EDARADD: variants seen among roughly 807,000 people sequenced by gnomAD.
The protein encoded by EDARADD is ectodysplasin-A receptor-associated adapter protein.
In EDARADD, 20 loss-of-function variants were observed where a neutral mutation model predicts 25.6. That is an observed-to-expected ratio of 0.78 (90% CI 0.55 to 1.14). The LOEUF (loss-of-function observed/expected upper bound fraction) is 1.14, where lower values mean the gene tolerates loss of function less well. Ranked by LOEUF, EDARADD falls within the 50% of genes most tolerant of loss-of-function variation. The probability of loss-of-function intolerance (pLI) is 0.00; values close to 1 mark genes in which losing one functional copy is unlikely to be tolerated. For missense variants in EDARADD, 225 were observed against 270.1 expected (o/e 0.83, Z 1.17); for synonymous variants, 86 against 94.4 (o/e 0.91, Z 0.52).
chr1:236,469,044 A>G (rs1289105348), intron 5 of EDARADD, among the ~76,000 whole-genome samples: 1 of 152,198 alleles, frequency 6.6e-6, no homozygotes, highest in Admixed American at 6.5e-5. Flanking sequence ...TTCTGCTTTT[A>G]GTGTGTTTAA....
At chr1:236,349,912 G>A (rs1666895677) in intron 2 of EDARADD, among the ~76,000 whole-genome samples, 1 of 152,204 alleles carries the variant, frequency 6.6e-6, no homozygotes, top group South Asian at 2.1e-4. Flanking sequence ...AGGAGTTCAA[G>A]ACCAGCCTGG....
At chr1:236,379,684 C>T (rs5008336) in intron 3 of EDARADD, among the ~76,000 whole-genome samples, 26,952 of 151,782 alleles carry the variant, frequency 0.18, 2,488 homozygotes, top group South Asian at 0.26. Flanking sequence ...GAGGCTGAGG[C>T]AGGAGAATCA....
At chr1:236,411,357 G>A (rs1015456811) in intron 2 of EDARADD, among the ~76,000 whole-genome samples, 3 of 152,124 alleles carry the variant, frequency 2.0e-5, no homozygotes, top group Non-Finnish European at 4.4e-5. Context: ...CCATAGGGAA[G>A]AATCTTTCCT....
At chr1:236,405,798 T>C (rs1331160548) in intron 1 of EDARADD, among the ~76,000 whole-genome samples, 23 of 122,844 alleles carry the variant, frequency 1.9e-4, no homozygotes, top group African/African-American at 6.0e-4. Context: ...TCTTTTCTTT[T>C]TCTTTCTTTC....
Position 236,484,526 on chromosome 1 carries a change from T to G in EDARADD, c.*1877T>G, listed in dbSNP as rs1659776912. 1 of 1,422,636 alleles carries G rather than the reference T, an allele frequency of 7.0e-7. No individual in the cohort carries two copies. The highest frequency in any genetic ancestry group is 1.4e-5 in the African/African-American group (1 of 72,006). The allele number at this position is 1,422,636 out of a possible 1,614,324, so 88.1% of individuals were successfully genotyped here. On this transcript the variant is annotated 3_prime_UTR_variant, in exon 6 of 6. Coordinates refer to ENST00000334232, the MANE Select transcript of EDARADD (RefSeq NM_145861.4). The surrounding 1 kb of genome is among the most constrained non-coding windows in gnomAD (Gnocchi z 4.1). ...GTGGCTAATTAGACCCCTCCCCTTGTGTCAACTCCGGCAGCTCAAGACCCC... is the reference window on the plus strand; with the variant it reads ...GTGGCTAATTAGACCCCTCCCCTTGGGTCAACTCCGGCAGCTCAAGACCCC...
chr1:236,446,660 G>A (rs562945366), intron 4 of EDARADD, among the ~76,000 whole-genome samples: 1 of 152,318 alleles, frequency 6.6e-6, no homozygotes, highest in South Asian at 2.1e-4. Flanking sequence ...GTGTCAAAAT[G>A]CTGTGCATGA....
At chr1:236,429,992 T>C (rs562852208) in intron 4 of EDARADD, among the ~76,000 whole-genome samples, 55 of 152,356 alleles carry the variant, frequency 3.6e-4, no homozygotes, top group Non-Finnish European at 5.9e-4. Context: ...TAGTCTTGCT[T>C]TAAAACATCA....
chr1:236,456,551 C>T (rs1658869856), intron 4 of EDARADD, among the ~76,000 whole-genome samples: 1 of 152,160 alleles, frequency 6.6e-6, no homozygotes, highest in African/African-American at 2.4e-5. Flanking sequence ...CTCACTTTCT[C>T]TAGACTGAAC....
intron 4 of EDARADD, among the ~76,000 whole-genome samples, chr1:236,461,071 C>G (rs773819926): frequency 3.9e-5 from 6 of 152,172 alleles, no homozygotes; most frequent in African/African-American, 1.4e-4. Flanking sequence ...ATCTGCCCAC[C>G]TCAGCCTCCC....
chr1:236,375,169 C>T (rs955128809), intron 3 of EDARADD, among the ~76,000 whole-genome samples: 4 of 152,070 alleles, frequency 2.6e-5, no homozygotes, highest in Admixed American at 1.3e-4. Flanking sequence ...TATACCATTA[C>T]ACAGGCAGTG....
At chr1:236,370,131 G>A (rs1185871022) in intron 3 of EDARADD, among the ~76,000 whole-genome samples, 1 of 151,858 alleles carries the variant, frequency 6.6e-6, no homozygotes, top group African/African-American at 2.4e-5. Context: ...CATCAAGACG[G>A]GGGAATTGGC....
At chr1:236,423,092 TG>T (rs1440215969) in intron 3 of EDARADD, among the ~76,000 whole-genome samples, 1 of 152,184 alleles carries the variant, frequency 6.6e-6, no homozygotes, top group Admixed American at 6.5e-5. Flanking sequence ...GAGAGGAGGT[TG>T]CTGAAGCTCC....
intron 3 of EDARADD, among the ~76,000 whole-genome samples, chr1:236,420,281 C>T (rs1390617571): frequency 6.6e-6 from 1 of 152,204 alleles, no homozygotes; most frequent in East Asian, 1.9e-4. Context: ...GACTTTTCAA[C>T]CCTGAGTTAA....
chr1:236,484,216 C>G lies in EDARADD; in HGVS notation c.*1567C>G. ...AAAGTGAACCAGATTCGCTCTGTGACTGAGTCCCTTCAGGCGTGCAAGCTG... is the reference window on the plus strand; with the variant it reads ...AAAGTGAACCAGATTCGCTCTGTGAGTGAGTCCCTTCAGGCGTGCAAGCTG... On this transcript the variant is annotated 3_prime_UTR_variant, in exon 6 of 6. Coordinates refer to ENST00000334232, the MANE Select transcript of EDARADD (RefSeq NM_145861.4). The surrounding 1 kb of genome is among the most constrained non-coding windows in gnomAD (Gnocchi z 4.1). 1.0e-6 allele frequency: 1 copy of G among 999,166 alleles called. No individual in the cohort carries two copies. The highest frequency in any genetic ancestry group is 1.3e-5 in the South Asian group (1 of 78,688). The allele number at this position is 999,166 out of a possible 1,614,324, so 61.9% of individuals were successfully genotyped here. A position where few individuals can be genotyped will look rare whatever the true frequency, so the allele number is the denominator to read the frequency against.
At chr1:236,451,727 GTTTC>G (rs988688684) in intron 4 of EDARADD, among the ~76,000 whole-genome samples, 19 of 152,238 alleles carry the variant, frequency 1.2e-4, no homozygotes, top group African/African-American at 4.3e-4. Context: ...CTGGCTCAGA[GTTTC>G]TTTCCTCACC....
At chr1:236,407,444 A>G (rs1476800931) in intron 1 of EDARADD, among the ~76,000 whole-genome samples, 1 of 151,790 alleles carries the variant, frequency 6.6e-6, no homozygotes, top group Non-Finnish European at 1.5e-5. Flanking sequence ...TTCTTTGGGC[A>G]TTATCAACAC....
In EDARADD at chr1:236,478,445, A is replaced by G. The variant is rs555274356; in HGVS notation, c.266-3822A>G. 2.7e-5 allele frequency among the ~76,000 whole-genome samples: 4 copies of G among 150,326 alleles called. No homozygotes were observed. In the East Asian group the frequency reaches 5.8e-4, roughly 22 times the overall value. ...TATATATCTGGATGGATATATAAAT[A>G]TGATATATATATGTGTGTGTGTGTA... On this transcript the variant is annotated intron_variant, in intron 5 of 5. Transcript: ENST00000334232.
chr1:236,466,912 C>T (rs764862584), intron 4 of EDARADD, among the ~76,000 whole-genome samples: 6 of 151,936 alleles, frequency 3.9e-5, no homozygotes, highest in Admixed American at 1.3e-4. Flanking sequence ...GCTAAAAATA[C>T]AAAAATTAGC....
At chr1:236,368,408 G>A (rs900661997) in intron 3 of EDARADD, among the ~76,000 whole-genome samples, 6 of 138,688 alleles carry the variant, frequency 4.3e-5, no homozygotes, top group Admixed American at 7.2e-5. Context: ...CATAATCTTT[G>A]TTCTCTCACC....
Sources: gnomAD v4.1 joint callset for allele counts (sites outside exome capture counted in the v4.1 genomes callset) on GRCh38, gnomAD v4.1.1 for gene constraint, Gnocchi (gnomAD v3.1) non-coding constraint, MANE v1.5 for transcripts, NCBI Gene and HGNC (gene_info 2026-07-23, HGNC 2026-07-21) for gene names.